The following DAB1 variants were observed in gnomAD, a reference collection of about 807,000 sequenced individuals.
The protein encoded by DAB1 is disabled homolog 1.
Under a neutral mutation model 64.6 loss-of-function variants are expected in DAB1, and 15 were observed. The ratio of observed to expected loss-of-function variants is 0.23; its 90% CI spans 0.16 to 0.36. The LOEUF (loss-of-function observed/expected upper bound fraction) is 0.36. Ranked by LOEUF, DAB1 falls within the 10% of genes least tolerant of loss-of-function variation. The pLI is 1.00. For missense variants in DAB1, 596 were observed against 706.7 expected (o/e 0.84, Z 1.78); for synonymous variants, 235 against 251.9 (o/e 0.93, Z 0.64).
At chr1:57,207,822 G>A (rs1028413529) in intron 2 of DAB1, among the ~76,000 whole-genome samples, 25 of 152,066 alleles carry the variant, frequency 1.6e-4, no homozygotes, top group Admixed American at 1.3e-4. Flanking sequence ...TCCTGGGATG[G>A]GCTATGTATT....
chr1:58,509,601 A>G (rs1464233094), intron 2 of DAB1, among the ~76,000 whole-genome samples: 4 of 112,174 alleles, frequency 3.6e-5, no homozygotes, highest in Non-Finnish European at 6.0e-5. Flanking sequence ...ACCAAAAAAG[A>G]AAAAAAAAAA....
chr1:57,023,429 A>G, intron 11 of DAB1, 102 bp downstream of exon 11: 2 of 702,838 alleles, frequency 2.8e-6, no homozygotes, highest in South Asian at 1.6e-5. Context: ...ACAGGAGAGA[A>G]CAGCAGTGTT....
intron 2 of DAB1, among the ~76,000 whole-genome samples, chr1:58,522,755 T>G (rs780193949): frequency 6.6e-6 from 1 of 152,206 alleles, no homozygotes; most frequent in Non-Finnish European, 1.5e-5. Flanking sequence ...TATACTGTAT[T>G]CTTACAATAA....
rs1662289604 is a variant in DAB1 at position 57,176,138 on chromosome 1, C to CTTTAT, written c.68-30710_68-30709insATAAA. Among the ~76,000 whole-genome samples the CTTTAT allele has an allele frequency of 5.3e-5, 8 of 152,246 alleles. No individual in the cohort carries two copies. In the South Asian group the frequency reaches 1.7e-3, roughly 32 times the overall value. On this transcript the variant is annotated intron_variant, in intron 2 of 14. Transcript: ENST00000371236. ...TTAGGATGGGGGTATTCTCAGCTTC[C>CTTTAT]CTCAGTGGTCCTTTATGACATTTTA...
intron 7 of DAB1, among the ~76,000 whole-genome samples, chr1:57,461,726 C>T (rs1279964651): frequency 6.6e-6 from 1 of 152,040 alleles, no homozygotes. Context: ...TCATTCATGC[C>T]CCTGTGCATA....
intron 6 of DAB1, among the ~76,000 whole-genome samples, chr1:57,692,214 T>A (rs1337087151): frequency 1.3e-5 from 2 of 152,086 alleles, no homozygotes. Flanking sequence ...TCAGACAAAC[T>A]TCCTCTCACC....
intron 3 of DAB1, among the ~76,000 whole-genome samples, chr1:58,384,994 AG>A (rs1461667699): frequency 1.3e-5 from 2 of 152,246 alleles, no homozygotes; most frequent in African/African-American, 2.4e-5. Context: ...AGACACACCT[AG>A]GAACAATATT....
chr1:58,313,959 A>T (rs1257428935), intron 4 of DAB1, among the ~76,000 whole-genome samples: 1 of 152,036 alleles, frequency 6.6e-6, no homozygotes. Flanking sequence ...TAGGATTTTA[A>T]CATATGAATT....
At chr1:57,543,917 G>A (rs1644829460) in intron 7 of DAB1, among the ~76,000 whole-genome samples, 1 of 152,066 alleles carries the variant, frequency 6.6e-6, no homozygotes, top group East Asian at 1.9e-4. Context: ...AACCAGCCTG[G>A]GCAACATAGC....
intron 3 of DAB1, among the ~76,000 whole-genome samples, chr1:58,348,649 G>A (rs1226538241): frequency 6.6e-6 from 1 of 152,154 alleles, no homozygotes; most frequent in Non-Finnish European, 1.5e-5. Context: ...TTAAAATGAA[G>A]TTTTAGAACT....
intron 6 of DAB1, among the ~76,000 whole-genome samples, chr1:57,781,998 A>T (rs146686037): frequency 3.2e-4 from 48 of 152,300 alleles, no homozygotes; most frequent in African/African-American, 1.2e-3. Context: ...TTTGAAAAAC[A>T]TTAATTCACT....
chr1:57,101,275 G>A (rs1187365033), intron 4 of DAB1, among the ~76,000 whole-genome samples: 2 of 152,168 alleles, frequency 1.3e-5, no homozygotes, highest in African/African-American at 4.8e-5. Flanking sequence ...TCTAACAACT[G>A]TCCTCTTTTA....
In DAB1 at chr1:58,444,021, T is replaced by C. The variant is rs545986970; in HGVS notation, n.257+62039A>G. Among the ~76,000 whole-genome samples the C allele has an allele frequency of 2.0e-5, 3 of 152,368 alleles. No homozygotes were observed. The East Asian group carries it at 5.8e-4, about 29-fold the overall frequency. ...ATGCTTTTGTGAAGATTAAATGAGATAATGCAGTACCTAGTGAATAGTAAT... is the reference window on the plus strand; with the variant it reads ...ATGCTTTTGTGAAGATTAAATGAGACAATGCAGTACCTAGTGAATAGTAAT... On this transcript the variant is annotated intron_variant and non_coding_transcript_variant, in intron 3 of 20. Transcript: ENST00000485760.
chr1:57,906,016 A>G (rs1157710135), intron 5 of DAB1, among the ~76,000 whole-genome samples: 10 of 152,150 alleles, frequency 6.6e-5, no homozygotes, highest in Admixed American at 5.9e-4. Context: ...GCACAATACT[A>G]CTTGAAATAG....
chr1:57,981,148 TC>T (rs1230125558), intron 5 of DAB1, among the ~76,000 whole-genome samples: 2 of 152,140 alleles, frequency 1.3e-5, no homozygotes, highest in African/African-American at 4.8e-5. Flanking sequence ...ATTTAACCTT[TC>T]TGTTCATTAT....
intron 6 of DAB1, among the ~76,000 whole-genome samples, chr1:57,738,185 C>T (rs1014558722): frequency 2.6e-5 from 4 of 152,194 alleles, no homozygotes; most frequent in African/African-American, 9.7e-5. Flanking sequence ...CCTTTCTTAA[C>T]TGTAGGTTTC....
At chr1:57,236,128 G>C (rs998871282) in intron 2 of DAB1, among the ~76,000 whole-genome samples, 2 of 152,134 alleles carry the variant, frequency 1.3e-5, no homozygotes, top group African/African-American at 4.8e-5. Flanking sequence ...GGTACCCAAA[G>C]GCTTTTACGG....
intron 4 of DAB1, among the ~76,000 whole-genome samples, chr1:58,216,715 CG>C (rs1269890213): frequency 6.6e-6 from 1 of 152,114 alleles, no homozygotes; most frequent in Non-Finnish European, 1.5e-5. Flanking sequence ...TTTTAATGAT[CG>C]CCATTCTAAC....
chr1:58,396,626 C>G (rs1644524905), intron 3 of DAB1, among the ~76,000 whole-genome samples: 1 of 151,646 alleles, frequency 6.6e-6, no homozygotes, highest in South Asian at 2.1e-4. Context: ...AAGAGAGAAG[C>G]AGAGAGAGAC....
Sources: gnomAD v4.1 joint callset for allele counts (sites outside exome capture counted in the v4.1 genomes callset) on GRCh38, gnomAD v4.1.1 for gene constraint, MANE v1.5 for transcripts, NCBI Gene and HGNC (gene_info 2026-07-23, HGNC 2026-07-21) for gene names.